Variants in RDX observed in about 807,000 individuals in gnomAD.
RDX encodes deafness, autosomal recessive 24.
In RDX, 32 loss-of-function variants were observed where a neutral mutation model predicts 83.7. The ratio of observed to expected loss-of-function variants is 0.38; its 90% CI spans 0.29 to 0.51. RDX has a LOEUF of 0.51. Among genes scored for constraint, RDX ranks in the 20% least tolerant of loss-of-function variants. The probability of loss-of-function intolerance (pLI) is 0.87; values close to 1 mark genes in which losing one functional copy is unlikely to be tolerated. For synonymous variants in RDX, 229 were observed against 222.7 expected (o/e 1.03, Z -0.25); for missense variants, 600 against 689.9 (o/e 0.87, Z 1.46).
At chr11:110,241,525 G>A (rs1228209178) in intron 10 of RDX, among the ~76,000 whole-genome samples, 4 of 152,140 alleles carry the variant, frequency 2.6e-5, no homozygotes, top group South Asian at 4.2e-4. Flanking sequence ...TCGAACTCCC[G>A]ACCTCAGGTG....
intron 15 of RDX, among the ~76,000 whole-genome samples, chr11:110,188,355 G>A (rs562477984): frequency 2.7e-4 from 40 of 149,990 alleles, no homozygotes; most frequent in African/African-American, 7.9e-4. Flanking sequence ...AATGGCATTC[G>A]CAGCAACCTG....
chr11:110,199,550 G>A lies in RDX; in HGVS notation c.*31+31C>T, dbSNP rs1863322630. The A allele has an allele frequency of 5.7e-6, 4 of 702,576 alleles. No homozygotes were observed. In the South Asian group the frequency reaches 5.9e-5, roughly 10 times the overall value. 43.5% of individuals were successfully genotyped at this position (702,576 alleles called of 1,614,324 possible). A position where few individuals can be genotyped will look rare whatever the true frequency, so the allele number is the denominator to read the frequency against. On this transcript the variant is annotated intron_variant, in intron 15 of 15. Coordinates refer to the RDX transcript ENST00000528498. ...GGCAGGTCTAGTGGGCAGGTGAGCT[G>A]GCCCTGGCCACGGCTGCCAGTTGTA...
At chr11:110,280,797 C>T (rs889270614) in intron 1 of RDX, among the ~76,000 whole-genome samples, 9 of 152,176 alleles carry the variant, frequency 5.9e-5, no homozygotes, top group African/African-American at 2.2e-4. Context: ...CACTGCACTC[C>T]AGCCTGGGCA....
Position 110,188,072 on chromosome 11 carries a change from T to C in RDX, c.*31+11509A>G, listed in dbSNP as rs557204457. The stretch of plus-strand genomic sequence containing the variant: ...ACTTTGGGAGGCCGAGGCAGACACA[T>C]CACTTGAGGTCAGGAGTTCAAGACC... On this transcript the variant is annotated intron_variant, in intron 15 of 15. Transcript: ENST00000528498. Among the ~76,000 whole-genome samples, 27 of 152,192 alleles carry C rather than the reference T, an allele frequency of 1.8e-4. No individual in the cohort carries two copies. In the East Asian group the frequency reaches 5.0e-3, roughly 28 times the overall value.
At chr11:110,281,321 GA>G in intron 1 of RDX, among the ~76,000 whole-genome samples, 1 of 150,726 alleles carries the variant, frequency 6.6e-6, no homozygotes, top group Admixed American at 6.6e-5. Flanking sequence ...TTCCTCCTGA[GA>G]TTTTTTTTTT....
intron 9 of RDX, among the ~76,000 whole-genome samples, chr11:110,249,790 C>T (rs1258701104): frequency 6.6e-6 from 1 of 152,166 alleles, no homozygotes; most frequent in Non-Finnish European, 1.5e-5. Flanking sequence ...GCGAGGATCA[C>T]TTGTGTCCAG....
intron 15 of RDX, among the ~76,000 whole-genome samples, chr11:110,196,592 C>G (rs1863216975): frequency 6.6e-6 from 1 of 152,202 alleles, no homozygotes. Context: ...GTTGAGCAGC[C>G]ACAGGGCGTG....
In RDX at chr11:110,286,311, C is replaced by T. The variant is rs185783559; in HGVS notation, c.-64-6555G>A. 3.3e-5 allele frequency among the ~76,000 whole-genome samples: 5 copies of T among 152,322 alleles called. No homozygotes were observed. The East Asian group carries it at 5.8e-4, about 18-fold the overall frequency. On this transcript the variant is annotated intron_variant, in intron 1 of 13. Transcript: ENST00000645495. ...GCCAGCCAGCAAACGTCTCCCATCTCGAGAAAACCACTCATATGAATATGT... is the reference window on the plus strand; with the variant it reads ...GCCAGCCAGCAAACGTCTCCCATCTTGAGAAAACCACTCATATGAATATGT...
At chr11:110,194,863 GT>G (rs1020744621) in intron 15 of RDX, among the ~76,000 whole-genome samples, 6 of 152,192 alleles carry the variant, frequency 3.9e-5, no homozygotes, top group Admixed American at 1.3e-4. Flanking sequence ...GGCATATTTT[GT>G]GGGGTTTTTC....
chr11:110,232,342 A>T (rs1864671418), intron 13 of RDX, among the ~76,000 whole-genome samples: 1 of 152,160 alleles, frequency 6.6e-6, no homozygotes. Flanking sequence ...ATGAGATTTA[A>T]AATCTATACC....
chr11:110,187,962 C>T (rs1201017286), intron 15 of RDX, among the ~76,000 whole-genome samples: 1 of 152,196 alleles, frequency 6.6e-6, no homozygotes, highest in African/African-American at 2.4e-5. Flanking sequence ...ATAAAACCTG[C>T]CAACAGAAGT....
At chr11:110,198,222 T>C (rs1319800828) in intron 15 of RDX, among the ~76,000 whole-genome samples, 1 of 151,616 alleles carries the variant, frequency 6.6e-6, no homozygotes, top group Non-Finnish European at 1.5e-5. Flanking sequence ...ACTCAAGATT[T>C]ACAACATAAA....
At chr11:110,269,844 C>G (rs1170416175) in intron 3 of RDX, among the ~76,000 whole-genome samples, 1 of 151,972 alleles carries the variant, frequency 6.6e-6, no homozygotes, top group African/African-American at 2.4e-5. Context: ...TCAAGACCAG[C>G]CTGGGAAACA....
chr11:110,223,657 G>A (rs548785679), intron 14 of RDX, among the ~76,000 whole-genome samples: 8 of 152,152 alleles, frequency 5.3e-5, no homozygotes, highest in Non-Finnish European at 1.2e-4. Context: ...ATTGTATTAG[G>A]AATTGTCTGA....
intron 14 of RDX, among the ~76,000 whole-genome samples, chr11:110,201,277 GTAC>G (rs1863392263): frequency 6.6e-6 from 1 of 151,728 alleles, no homozygotes; most frequent in South Asian, 2.1e-4. Flanking sequence ...TTAACTAGTA[GTAC>G]TATTTATGTA....
At chr11:110,218,685 C>T (rs1246098006) in intron 14 of RDX, among the ~76,000 whole-genome samples, 7 of 152,242 alleles carry the variant, frequency 4.6e-5, no homozygotes, top group African/African-American at 1.2e-4. Flanking sequence ...CCAGCACACA[C>T]TCCACATCCT....
chr11:110,253,958 T>G lies in RDX; in HGVS notation c.947A>C (p.Lys316Thr). The G allele has an allele frequency of 6.2e-7, 1 of 1,613,594 alleles. No individual in the cohort carries two copies. Among genetic ancestry groups the G allele is most frequent in the South Asian group, 1.1e-5 (1 of 91,070 alleles). The change falls in exon 9 of 14, where the codon AAG becomes ACG. Residue 316 changes from lysine (K) to threonine (T), a missense_variant. By Grantham distance (78) the Lys-to-Thr change is moderately conservative. Coordinates refer to ENST00000645495, the MANE Select transcript of RDX (RefSeq NM_002906.4). ...ATAAACCCCATACCTTTCCAACTGC[T>G]TCTGATGTTTCTCCTCCCTAGCCTG... is the stretch of plus-strand genomic sequence containing the variant. ...KAQAREEKHQKQLERAQLENE... is the reference protein window; with the variant it reads ...KAQAREEKHQTQLERAQLENE...
chr11:110,284,810 A>G (rs1172236499), intron 1 of RDX, among the ~76,000 whole-genome samples: 6 of 152,170 alleles, frequency 3.9e-5, no homozygotes, highest in African/African-American at 1.4e-4. Flanking sequence ...GGCGTGAGCC[A>G]CCACGCCCGG....
downstream of RDX, among the ~76,000 whole-genome samples, chr11:110,226,884 G>A (rs1864452717): frequency 6.6e-6 from 1 of 152,032 alleles, no homozygotes; most frequent in Non-Finnish European, 1.5e-5. Flanking sequence ...ATACCGAAAC[G>A]TATACTGAGT....
Sources: gnomAD v4.1 joint callset for allele counts (sites outside exome capture counted in the v4.1 genomes callset) on GRCh38, gnomAD v4.1.1 for gene constraint, MANE v1.5 for transcripts, NCBI Gene and HGNC (gene_info 2026-07-23, HGNC 2026-07-21) for gene names.